The following RASSF8 variants were observed in gnomAD, a reference collection of about 807,000 sequenced individuals.
RASSF8 encodes the protein Ras association domain family member 8, also known as ras association domain-containing protein 8.
Under a neutral mutation model 48.5 loss-of-function variants are expected in RASSF8, and 22 were observed. The observed-to-expected ratio is 0.45, with a 90% CI of 0.32 to 0.65. The LOEUF is 0.65. RASSF8 is among the 30% of genes least tolerant of loss of function. RASSF8 has a pLI of 0.03. For missense variants in RASSF8, 418 were observed against 489.2 expected, an observed-to-expected ratio of 0.85 and a Z score of 1.37; for synonymous variants, 127 against 171.5, an observed-to-expected ratio of 0.74 and a Z score of 2.03.
At chr12:26,005,370 T>A (rs1225548522) in intron 2 of RASSF8, among the ~76,000 whole-genome samples, 1 of 152,214 alleles carries the variant, frequency 6.6e-6, no homozygotes, top group Non-Finnish European at 1.5e-5. Context: ...AGTATGTAAT[T>A]ACCTGACAGG....
chr12:26,048,271 C>G (rs1224994148), intron 2 of RASSF8, among the ~76,000 whole-genome samples: 2 of 152,220 alleles, frequency 1.3e-5, no homozygotes, highest in Non-Finnish European at 2.9e-5. Context: ...ATCATTCACC[C>G]ATCCCTGACA....
chr12:26,017,039 T>C (rs1297872771), intron 2 of RASSF8, among the ~76,000 whole-genome samples: 1 of 152,226 alleles, frequency 6.6e-6, no homozygotes, highest in Non-Finnish European at 1.5e-5. Context: ...GTGAATAATA[T>C]TAAATGAGGA....
Position 26,068,703 on chromosome 12 carries a change from C to A in RASSF8, c.1145C>A (p.Pro382Gln). 5 of 1,537,162 alleles carry A rather than the reference C, an allele frequency of 3.3e-6. No homozygotes were observed. The South Asian group carries it at 5.9e-5, about 18-fold the overall frequency. ...CTCTTTGTTTCCTGTTTAGAGGCACCATTCCAGTCTGGGTCCCTGAAGCGA... is the reference window on the plus strand; with the variant it reads ...CTCTTTGTTTCCTGTTTAGAGGCACAATTCCAGTCTGGGTCCCTGAAGCGA... ...ASHADIEREA[P>Q]FQSGSLKRPG... is the part of the protein sequence containing the mutation. The change falls in exon 6 of 6, where the codon CCA becomes CAA. Residue 382 changes from proline to glutamine, a missense_variant. Coordinates refer to ENST00000689635, the MANE Select transcript of RASSF8 (RefSeq NM_001394098.1).
downstream of RASSF8, among the ~76,000 whole-genome samples, chr12:26,074,642 C>T (rs1591827048): frequency 1.3e-5 from 2 of 152,028 alleles, no homozygotes; most frequent in East Asian, 1.9e-4. Context: ...TGCACCTGGC[C>T]GGTTTACAGT....
chr12:26,054,777 T>C (rs557247792), intron 2 of RASSF8, among the ~76,000 whole-genome samples: 20 of 152,340 alleles, frequency 1.3e-4, no homozygotes, highest in African/African-American at 4.8e-4. Context: ...GTGAGCTGAG[T>C]AAGATACTTT....
At chr12:25,969,360 A>G (rs934800624) in intron 1 of RASSF8, among the ~76,000 whole-genome samples, 4 of 152,210 alleles carry the variant, frequency 2.6e-5, no homozygotes, top group Admixed American at 2.0e-4. Flanking sequence ...GATAGTAATG[A>G]TACCTGTCTC....
At chr12:26,040,070 A>G (rs1165513403) in intron 2 of RASSF8, among the ~76,000 whole-genome samples, 3 of 152,176 alleles carry the variant, frequency 2.0e-5, no homozygotes, top group Non-Finnish European at 4.4e-5. Flanking sequence ...AGCGCCATTT[A>G]TTTGAGCATT....
At chr12:25,989,326 A>G (rs1432614383) in intron 1 of RASSF8, among the ~76,000 whole-genome samples, 1 of 152,180 alleles carries the variant, frequency 6.6e-6, no homozygotes, top group Non-Finnish European at 1.5e-5. Context: ...CACAGTTTCT[A>G]CTACTAGTGT....
intron 2 of RASSF8, among the ~76,000 whole-genome samples, chr12:25,999,878 C>T (rs1021642949): frequency 1.3e-5 from 2 of 152,106 alleles, no homozygotes; most frequent in African/African-American, 2.4e-5. Flanking sequence ...GGATTAAACT[C>T]GGTAAGAAAT....
Position 26,071,994 on chromosome 12 carries a change from G to C in RASSF8, c.*3176G>C, listed in dbSNP as rs890363482. The C allele has an allele frequency of 9.2e-5, 91 of 985,262 alleles. No individual in the cohort carries two copies. Among genetic ancestry groups the C allele is most frequent in the Non-Finnish European group, 1.0e-4 (87 of 829,890 alleles). The allele number at this position is 985,262 out of a possible 1,614,324, so 61.0% of individuals were successfully genotyped here. Reference sequence around the variant, plus strand: ...AGACTGTTCATTTGAAGCCATTTCTGTAAACATCTTCCAAGATAGAACTGT... The same window carrying C: ...AGACTGTTCATTTGAAGCCATTTCTCTAAACATCTTCCAAGATAGAACTGT... On this transcript the variant is annotated 3_prime_UTR_variant, in exon 6 of 6. Transcript: ENST00000689635.
chr12:25,958,423 G>C (rs1230946082), upstream of RASSF8: 3 of 151,508 alleles, frequency 2.0e-5, no homozygotes, highest in African/African-American at 4.8e-5. Context: ...GTCGCGCCGA[G>C]CTCCCCGCCG....
At chr12:25,981,940 A>G (rs1009462354) in intron 1 of RASSF8, among the ~76,000 whole-genome samples, 2 of 152,254 alleles carry the variant, frequency 1.3e-5, no homozygotes, top group Non-Finnish European at 2.9e-5. Context: ...CCCTATTTCA[A>G]GGATATGTTT....
At chr12:25,999,859 A>G (rs1054017217) in intron 2 of RASSF8, among the ~76,000 whole-genome samples, 4 of 152,244 alleles carry the variant, frequency 2.6e-5, no homozygotes, top group Admixed American at 2.0e-4. Context: ...GCAACAAAAA[A>G]TATGCCAGGG....
At chr12:26,022,433 C>T (rs1174030596) in intron 2 of RASSF8, among the ~76,000 whole-genome samples, 1 of 152,088 alleles carries the variant, frequency 6.6e-6, no homozygotes, top group African/African-American at 2.4e-5. Flanking sequence ...CCTAAAATGT[C>T]CAGGTTTGAG....
intron 2 of RASSF8, among the ~76,000 whole-genome samples, chr12:26,019,188 ATAATCT>A (rs1442650692): frequency 6.6e-6 from 1 of 152,196 alleles, no homozygotes; most frequent in Non-Finnish European, 1.5e-5. Flanking sequence ...TTCTTTCAAA[ATAATCT>A]TAGTAATAGC....
chr12:26,003,436 A>G (rs891899982), intron 2 of RASSF8, among the ~76,000 whole-genome samples: 1 of 129,498 alleles, frequency 7.7e-6, no homozygotes, highest in Non-Finnish European at 1.8e-5. Context: ...CAATTCTGGC[A>G]GTGGGAGAAG....
At position 26,030,395 on chromosome 12, in the gene RASSF8, A is replaced by T. The variant is rs751106395; in HGVS notation, c.-108-24841A>T. Among the ~76,000 whole-genome samples, 3 of 152,282 alleles carry T rather than the reference A, an allele frequency of 2.0e-5. No individual in the cohort carries two copies. The South Asian group carries it at 6.2e-4, about 32-fold the overall frequency. ...AGCAGAAACAAATTCATTCCATGTA[A>T]TTGTGCTTGTTTTCAATGAAAGTTC... On this transcript the variant is annotated intron_variant, in intron 2 of 5. Transcript: ENST00000689635.
chr12:25,958,634 G>GCCCGGCC (rs1565592257), upstream of RASSF8: 1 of 137,866 alleles, frequency 7.3e-6, no homozygotes, highest in African/African-American at 2.9e-5. Flanking sequence ...CCGCCTGGCC[G>GCCCGGCC]CCCGGCCCGG....
chr12:26,042,483 A>G (rs1943285954), intron 2 of RASSF8, among the ~76,000 whole-genome samples: 6 of 152,124 alleles, frequency 3.9e-5, no homozygotes. Flanking sequence ...CTGAGTTTGT[A>G]GGGTGGAGCA....
Sources: gnomAD v4.1 joint callset for allele counts (sites outside exome capture counted in the v4.1 genomes callset) on GRCh38, gnomAD v4.1.1 for gene constraint, MANE v1.5 for transcripts, NCBI Gene and HGNC (gene_info 2026-07-23, HGNC 2026-07-21) for gene names.